The following CZIB variants were observed in gnomAD, a reference collection of about 807,000 sequenced individuals.
CZIB encodes the protein UPF0587 protein C1orf123.
A neutral mutation model predicts 28.3 loss-of-function variants in CZIB; 26 were observed. The observed-to-expected ratio is 0.92, with a 90% confidence interval of 0.67 to 1.27. The LOEUF is 1.27. CZIB is among the 50% of genes most tolerant of loss of function. The pLI is 0.00. For synonymous variants in CZIB, 78 were observed against 71.1 expected (o/e 1.10, Z -0.49); for missense variants, 179 against 197.3 (o/e 0.91, Z 0.56).
chr1:53,219,168 T>G, intron 2 of CZIB: 1 of 492,646 alleles, frequency 2.0e-6, no homozygotes, highest in Non-Finnish European at 3.6e-6. Context: ...GGCCGGGGAT[T>G]CAAGGCACCT....
Position 53,214,268 on chromosome 1 carries a change from G to A in CZIB, c.*391C>T, listed in dbSNP as rs1367126139. 1 of 183,992 alleles carries A rather than the reference G, an allele frequency of 5.4e-6. No individual in the cohort carries two copies. Among genetic ancestry groups the A allele is most frequent in the Non-Finnish European group, 1.1e-5 (1 of 88,282 alleles). The allele number at this position is 183,992 out of a possible 1,614,324, so 11.4% of individuals were successfully genotyped here. A position where few individuals can be genotyped will look rare whatever the true frequency, so the allele number is the denominator to read the frequency against. ...ATCTTTCCAACAGCAAGTTCAGTAAGTTCAGGTAACAGTACGTCACCATTG... is the reference window on the plus strand; with the variant it reads ...ATCTTTCCAACAGCAAGTTCAGTAAATTCAGGTAACAGTACGTCACCATTG... On this transcript the variant is annotated 3_prime_UTR_variant, in exon 8 of 8. Transcript: ENST00000294360.
chr1:53,218,862 G>T lies in CZIB; in HGVS notation c.147+5C>A. 6.2e-7 allele frequency: 1 copy of T among 1,611,934 alleles called. No individual in the cohort carries two copies. Among genetic ancestry groups the T allele is most frequent in the Non-Finnish European group, 8.5e-7 (1 of 1,178,144 alleles). Reference sequence around the variant, plus strand: ...TATGTTGGGGGTTGGGCGGGGAACAGTTACCATCAGCCGGATGTACTGCCA... The same window carrying T: ...TATGTTGGGGGTTGGGCGGGGAACATTTACCATCAGCCGGATGTACTGCCA... On this transcript the variant is annotated splice_donor_5th_base_variant and intron_variant, in intron 3 of 7. Transcript: ENST00000294360.
intron 7 of CZIB, 71 bp from the exon 8 acceptor site, chr1:53,214,807 C>T: frequency 7.9e-7 from 1 of 1,272,174 alleles, no homozygotes; most frequent in Non-Finnish European, 1.1e-6. Flanking sequence ...AAAACTGGGA[C>T]TTAAAAGGCC....
intron 7 of CZIB, among the ~76,000 whole-genome samples, chr1:53,215,613 A>C (rs1645465206): frequency 6.6e-6 from 1 of 152,206 alleles, no homozygotes; most frequent in South Asian, 2.1e-4. Context: ...CCGGGGAAAT[A>C]CAGGGTTAGG....
chr1:53,220,526 G>A (rs1211879182), intron 1 of CZIB, 44 bp downstream of exon 1: 3 of 1,600,120 alleles, frequency 1.9e-6, no homozygotes, highest in Non-Finnish European at 1.7e-6. Flanking sequence ...CCAGACCCTC[G>A]CCACCTCCCC....
intron 7 of CZIB, 93 bp from the exon 8 acceptor site, chr1:53,214,829 C>G: frequency 1.0e-6 from 1 of 978,710 alleles, no homozygotes; most frequent in Non-Finnish European, 1.6e-6. Context: ...AGCTCAGGCT[C>G]TGACTCAAAT....
chr1:53,220,477 C>T (rs1645516004), intron 1 of CZIB, 93 bp downstream of exon 1: 2 of 1,585,820 alleles, frequency 1.3e-6, no homozygotes, highest in Non-Finnish European at 1.7e-6. Context: ...CAGCGCGCAC[C>T]CACTCGCTTC....
At chr1:53,218,588 G>C in intron 3 of CZIB, 93 bp from the exon 4 acceptor site, 1 of 1,288,622 alleles carries the variant, frequency 7.8e-7, no homozygotes, top group Non-Finnish European at 1.1e-6. Flanking sequence ...CACTTAAAGA[G>C]ACCAAGACCC....
At chr1:53,215,335 C>A (rs2100283376) in intron 7 of CZIB, among the ~76,000 whole-genome samples, 1 of 152,160 alleles carries the variant, frequency 6.6e-6, no homozygotes, top group Non-Finnish European at 1.5e-5. Flanking sequence ...GTGAGATTGT[C>A]TCAAAAAATA....
intron 3 of CZIB, 119 bp downstream of exon 3, chr1:53,218,748 C>A: frequency 9.1e-7 from 1 of 1,097,190 alleles, no homozygotes. Flanking sequence ...CCCTCCCAAA[C>A]CACAAAAAGC....
rs767938055 is a variant in CZIB at position 53,220,299 on chromosome 1, G to A, written c.52C>T (p.Leu18Phe). 13 of 1,613,530 alleles carry A rather than the reference G, an allele frequency of 8.1e-6. No individual in the cohort carries two copies. Among genetic ancestry groups the A allele is most frequent in the Admixed American group, 6.7e-5 (4 of 60,016 alleles). The change falls in exon 2 of 8, where the codon CTC becomes TTC. Residue 18 changes from leucine to phenylalanine, a missense_variant. Transcript: ENST00000294360. ...CGGAAGTCCTCGCCCACGGGCCGGAGGTTGGTGATGTTCTCCAGCGTGGCT... is the reference window on the plus strand; with the variant it reads ...CGGAAGTCCTCGCCCACGGGCCGGAAGTTGGTGATGTTCTCCAGCGTGGCT... ...LKATLENITN[L>F]RPVGEDFRWY...
chr1:53,214,525 C>A lies in CZIB; in HGVS notation c.*134G>T. ...GGGGCTTGGGAAGCTGTAATAAAGTCCAGCATGCAGATTGTGAAGGTTTCG... is the reference window on the plus strand; with the variant it reads ...GGGGCTTGGGAAGCTGTAATAAAGTACAGCATGCAGATTGTGAAGGTTTCG... On this transcript the variant is annotated 3_prime_UTR_variant, in exon 8 of 8. Coordinates refer to ENST00000294360, the MANE Select transcript of CZIB (RefSeq NM_017887.3). 1 of 693,064 alleles carries A rather than the reference C, an allele frequency of 1.4e-6. No homozygotes were observed. The highest frequency in any genetic ancestry group is 1.8e-5 in the South Asian group (1 of 56,306). 42.9% of individuals were successfully genotyped at this position (693,064 alleles called of 1,614,324 possible).
rs1386647530 is a variant in CZIB, at chr1:53,218,543, C to T, written c.148-48G>A. ...TTCAGTCACATATGAATTAGATGTA[C>T]AGTCCTGAGGAGATCGAGCCCACCA... On this transcript the variant is annotated intron_variant, in intron 3 of 7. Transcript: ENST00000294360. 3 of 1,576,284 alleles carry T rather than the reference C, an allele frequency of 1.9e-6. No homozygotes were observed. In the South Asian group the frequency reaches 3.4e-5, roughly 18 times the overall value.
In CZIB at chr1:53,216,096, G is replaced by C. The variant is rs766833705; in HGVS notation, c.340-40C>G. ...AAGGTACCAGTTAGTCTTGGCAAAAGAAGGCATTGGGCTATAAGTAAGGGC... is the reference window on the plus strand; with the variant it reads ...AAGGTACCAGTTAGTCTTGGCAAAACAAGGCATTGGGCTATAAGTAAGGGC... On this transcript the variant is annotated intron_variant, in intron 6 of 7. Coordinates refer to ENST00000294360, the MANE Select transcript of CZIB (RefSeq NM_017887.3). 1.9e-6 allele frequency: 3 copies of C among 1,605,574 alleles called. No homozygotes were observed. The East Asian group carries it at 6.7e-5, about 36-fold the overall frequency.
chr1:53,220,399 T>C (rs1277989540), intron 1 of CZIB, 55 bp from the exon 2 acceptor site: 61 of 1,593,466 alleles, frequency 3.8e-5, no homozygotes, highest in Admixed American at 6.7e-5. Context: ...GCCCCACGCC[T>C]GCCCGACCCT....
chr1:53,214,686 C>CATG lies in CZIB; in HGVS notation c.455_456insCAT (p.Glu152delinsAspMet). 3 of 1,614,086 alleles carry CATG rather than the reference C, an allele frequency of 1.9e-6. No homozygotes were observed. The highest frequency in any genetic ancestry group is 1.7e-6 in the Non-Finnish European group (2 of 1,180,022). On this transcript the variant is annotated protein_altering_variant, in exon 8 of 8. Transcript: ENST00000294360. ...AGCACTTCACAAACTGGTGGGTGAC[C>CATG]TCATAGATTCCCACAGACTCCTGGG...
Position 53,218,591 on chromosome 1 carries a change from C to A in CZIB, c.148-96G>T, listed in dbSNP as rs1645489779. 9 of 1,266,090 alleles carry A rather than the reference C, an allele frequency of 7.1e-6. No individual in the cohort carries two copies. In the South Asian group the frequency reaches 1.0e-4, roughly 14 times the overall value. 78.4% of individuals were successfully genotyped at this position (1,266,090 alleles called of 1,614,324 possible). A position where few individuals can be genotyped will look rare whatever the true frequency, so the allele number is the denominator to read the frequency against. ...CCATTTATTGTCCACTTAAAGAGAC[C>A]AAGACCCAGAAAGGGTAACTTACTA... On this transcript the variant is annotated intron_variant, in intron 3 of 7. Transcript: ENST00000294360.
chr1:53,219,970 C>A, intron 2 of CZIB: 1 of 419,088 alleles, frequency 2.4e-6, no homozygotes, highest in South Asian at 3.9e-5. Context: ...AACTATTCAC[C>A]TTATTAAATA....
intron 3 of CZIB, 144 bp downstream of exon 3, chr1:53,218,723 T>C: frequency 1.1e-6 from 1 of 875,872 alleles, no homozygotes; most frequent in Non-Finnish European, 1.8e-6. Context: ...CCAGTGCTGA[T>C]CACACTGACA....
Sources: gnomAD v4.1 joint callset for allele counts (sites outside exome capture counted in the v4.1 genomes callset) on GRCh38, gnomAD v4.1.1 for gene constraint, MANE v1.5 for transcripts, NCBI Gene and HGNC (gene_info 2026-07-23, HGNC 2026-07-21) for gene names.